URB2: variants seen among roughly 807,000 people sequenced by gnomAD.
URB2 encodes the protein unhealthy ribosome biogenesis protein 2 homolog.
Under a neutral mutation model 120.9 loss-of-function variants are expected in URB2, and 86 were observed. The ratio of observed to expected loss-of-function variants is 0.71; its 90% CI spans 0.60 to 0.85. The LOEUF is 0.85. Ranked by LOEUF, URB2 falls within the 40% of genes least tolerant of loss-of-function variation. The probability of loss-of-function intolerance (pLI) is 0.00; values close to 1 mark genes in which losing one functional copy is unlikely to be tolerated. For synonymous variants in URB2, 755 were observed against 758.4 expected (o/e 1.00, Z 0.07); for missense variants, 1,765 against 1,836.5 (o/e 0.96, Z 0.71).
intron 5 of URB2, among the ~76,000 whole-genome samples, chr1:229,644,523 A>G (rs1438696637): frequency 6.6e-6 from 1 of 152,176 alleles, no homozygotes; most frequent in Non-Finnish European, 1.5e-5. Flanking sequence ...GGAGGCGTGC[A>G]CCGTGCAGGC....
intron 6 of URB2, 131 bp downstream of exon 6, chr1:229,646,100 C>T (rs1443367154): frequency 2.9e-5 from 22 of 766,364 alleles, no homozygotes; most frequent in East Asian, 8.2e-5. Context: ...TTCCAAAGGG[C>T]GGTGGTGAGC....
intron 2 of URB2, 34 bp downstream of exon 2, chr1:229,627,793 C>G: frequency 6.3e-7 from 1 of 1,584,010 alleles, no homozygotes; most frequent in Non-Finnish European, 8.6e-7. Context: ...TTTTTACAGT[C>G]TGTCAAGATA....
At chr1:229,628,108 T>C (rs1040314659) in intron 2 of URB2, among the ~76,000 whole-genome samples, 6 of 141,414 alleles carry the variant, frequency 4.2e-5, no homozygotes, top group Non-Finnish European at 7.6e-5. Context: ...ATATTATATA[T>C]GTATATATAT....
At chr1:229,639,027 A>G (rs1665933601) in intron 4 of URB2, among the ~76,000 whole-genome samples, 1 of 152,164 alleles carries the variant, frequency 6.6e-6, no homozygotes, top group Non-Finnish European at 1.5e-5. Context: ...AAAAAGTACA[A>G]ATCAGAGCCA....
intron 5 of URB2, among the ~76,000 whole-genome samples, chr1:229,645,286 GA>G (rs11404382): frequency 2.2e-4 from 32 of 144,334 alleles, no homozygotes; most frequent in South Asian, 6.6e-4. Context: ...ACTCGGTCTC[GA>G]AAAAAAAAAA....
chr1:229,642,806 A>C (rs1666043580), intron 4 of URB2, among the ~76,000 whole-genome samples: 1 of 152,218 alleles, frequency 6.6e-6, no homozygotes, highest in Non-Finnish European at 1.5e-5. Flanking sequence ...ATAGGGGTTA[A>C]GGCACCAACC....
rs765278975 is a variant in URB2, at chr1:229,637,700, C to A, written c.3087C>A (p.Phe1029Leu). The A allele has an allele frequency of 6.2e-7, 1 of 1,614,208 alleles. No individual in the cohort carries two copies. Among genetic ancestry groups the A allele is most frequent in the South Asian group, 1.1e-5 (1 of 91,082 alleles). ...TCAATTTTAGAAAAATCACCGCATT[C>A]CTCTCTAGTTCCAAACCATACACGG... ...LVLNFRKITA[F>L]LSSSKPYTEA... The change falls in exon 4 of 10, where the codon TTC becomes TTA. Residue 1029 changes from phenylalanine (F) to leucine (L), a missense_variant. Physicochemically the swap from Phe to Leu is conservative, Grantham distance 22. Transcript: ENST00000258243.
rs1666270335 is a variant in URB2, at chr1:229,651,383, G to A, written c.4237+61G>A. The A allele has an allele frequency of 6.3e-6, 9 of 1,425,886 alleles. No homozygotes were observed. The Admixed American group carries it at 1.4e-4, about 22-fold the overall frequency. The allele number at this position is 1,425,886 out of a possible 1,614,324, so 88.3% of individuals were successfully genotyped here. A position where few individuals can be genotyped will look rare whatever the true frequency, so the allele number is the denominator to read the frequency against. On this transcript the variant is annotated intron_variant, in intron 8 of 9. Transcript: ENST00000258243. ...TATTCATCATGAGGTGTGGCTGCTG[G>A]CCACATATGTTACTGAAAATAAAAC... is the stretch of plus-strand genomic sequence containing the variant.
At chr1:229,653,420 A>G (rs1327641048) in intron 8 of URB2, among the ~76,000 whole-genome samples, 1 of 152,194 alleles carries the variant, frequency 6.6e-6, no homozygotes, top group Non-Finnish European at 1.5e-5. Context: ...TCCTTAAAAG[A>G]TTCCTCTTGT....
At position 229,637,887 on chromosome 1, in the gene URB2, G is replaced by T; in HGVS notation, c.3274G>T (p.Val1092Leu). The T allele has an allele frequency of 6.2e-7, 1 of 1,601,168 alleles. No homozygotes were observed. Among genetic ancestry groups the T allele is most frequent in the East Asian group, 2.2e-5 (1 of 44,794 alleles). Residue 1092 changes from valine (V) to leucine (L), a missense_variant, in exon 4 of 10, where the codon GTG becomes TTG. Val to Leu is a conservative substitution (Grantham distance 32). Coordinates refer to ENST00000258243, the MANE Select transcript of URB2 (RefSeq NM_014777.4). The stretch of plus-strand genomic sequence containing the variant: ...ACTGTCTGAGCTGCTGCAGCAGGTT[G>T]TGCTGCAGACAGGAGCTGTGCTGCA... ...AALSELLQQV[V>L]LQTGAVLQLC...
intron 4 of URB2, among the ~76,000 whole-genome samples, chr1:229,638,645 CA>C (rs79757347): frequency 2.3e-3 from 309 of 135,634 alleles, no homozygotes; most frequent in Middle Eastern, 3.8e-3. Flanking sequence ...GAGTCTGTCT[CA>C]AAAAAAAAAA....
In URB2 at chr1:229,647,742, G is replaced by GC; in HGVS notation, c.4139_4140insC (p.His1381SerfsTer3). On this transcript the variant is annotated frameshift_variant, in exon 7 of 10. Transcript: ENST00000258243. LOFTEE classifies it high-confidence loss of function. ...AACGTGCTCTTCTCAATCCTGCAGT[G>GC]TCACCCTAAGGTGAGAAGGAGGGTG... The GC allele has an allele frequency of 6.2e-7, 1 of 1,613,746 alleles. No homozygotes were observed.
intron 5 of URB2, among the ~76,000 whole-genome samples, chr1:229,644,054 A>G (rs887931781): frequency 5.9e-5 from 9 of 152,270 alleles, no homozygotes; most frequent in African/African-American, 1.9e-4. Context: ...TGATTGGGCC[A>G]TACTGCCTTC....
chr1:229,639,028 A>T (rs1665933679), intron 4 of URB2, among the ~76,000 whole-genome samples: 1 of 152,062 alleles, frequency 6.6e-6, no homozygotes, highest in Admixed American at 6.6e-5. Context: ...AAAAGTACAA[A>T]TCAGAGCCAG....
intron 4 of URB2, among the ~76,000 whole-genome samples, chr1:229,643,099 T>A (rs953863487): frequency 2.8e-4 from 42 of 152,356 alleles, no homozygotes; most frequent in African/African-American, 1.0e-3. Context: ...CATCAAGGTC[T>A]TCATCCTCTT....
chr1:229,628,386 C>G (rs1665585687), intron 2 of URB2, among the ~76,000 whole-genome samples: 1 of 151,344 alleles, frequency 6.6e-6, no homozygotes, highest in African/African-American at 2.4e-5. Flanking sequence ...GTGCCACTTT[C>G]ACTCCCAGCC....
In URB2 at chr1:229,659,518, T is replaced by C. The variant is rs1278108239; in HGVS notation, c.*221T>C. ...TTATGCAGTAAGTATTGCAATAGAA[T>C]CCTGAAAATTGACCCTGGGATGAGA... On this transcript the variant is annotated 3_prime_UTR_variant, in exon 10 of 10. Coordinates refer to ENST00000258243, the MANE Select transcript of URB2 (RefSeq NM_014777.4). 9.5e-6 allele frequency: 4 copies of C among 422,970 alleles called. No individual in the cohort carries two copies. Among genetic ancestry groups the C allele is most frequent in the Non-Finnish European group, 1.7e-5 (4 of 242,002 alleles). 26.2% of individuals were successfully genotyped at this position (422,970 alleles called of 1,614,324 possible).
Position 229,647,719 on chromosome 1 carries a change from C to A in URB2, c.4116C>A (p.Asn1372Lys), listed in dbSNP as rs755941015. 24 of 1,613,892 alleles carry A rather than the reference C, an allele frequency of 1.5e-5. No individual in the cohort carries two copies. The African/African-American group carries it at 2.9e-4, about 20-fold the overall frequency. The change falls in exon 7 of 10, where the codon AAC becomes AAA. Residue 1372 changes from asparagine (N) to lysine (K), a missense_variant. By Grantham distance (94) the Asn-to-Lys change is moderately conservative. Transcript: ENST00000258243. ...EYGSVFPRLH[N>K]VLFSILQCHP... is the part of the protein sequence containing the mutation. ...GAAGCGTCTTCCCGAGGCTGCACAACGTGCTCTTCTCAATCCTGCAGTGTC... is the reference window on the plus strand; with the variant it reads ...GAAGCGTCTTCCCGAGGCTGCACAAAGTGCTCTTCTCAATCCTGCAGTGTC...
intron 2 of URB2, among the ~76,000 whole-genome samples, chr1:229,628,135 AATAT>A (rs199699286): frequency 1.6e-5 from 2 of 123,356 alleles, no homozygotes; most frequent in Non-Finnish European, 1.6e-5. Context: ...ATACATATAT[AATAT>A]ATATATAATA....
Sources: allele counts gnomAD v4.1 joint callset (sites outside exome capture counted in the v4.1 genomes callset), GRCh38; gene constraint gnomAD v4.1.1; transcripts MANE v1.5; gene names NCBI Gene and HGNC (gene_info 2026-07-23, HGNC 2026-07-21).